Variants in MNDA observed in about 807,000 individuals in gnomAD.
MNDA encodes the protein epididymis secretory sperm binding protein.
Under a neutral mutation model 37.8 loss-of-function variants are expected in MNDA, and 43 were observed. The observed-to-expected ratio is 1.14, with a 90% CI of 0.89 to 1.47. The LOEUF (loss-of-function observed/expected upper bound fraction) is 1.47, where lower values mean the gene tolerates loss of function less well. MNDA is among the 40% of genes most tolerant of loss of function. The probability of loss-of-function intolerance (pLI) is 0.00; values close to 1 mark genes in which losing one functional copy is unlikely to be tolerated. For synonymous variants in MNDA, 181 were observed against 169.0 expected (o/e 1.07, Z -0.55); for missense variants, 536 against 476.0 (o/e 1.13, Z -1.17).
At chr1:158,839,570 C>T (rs1344561198) in intron 1 of MNDA, among the ~76,000 whole-genome samples, 1 of 152,154 alleles carries the variant, frequency 6.6e-6, no homozygotes, top group African/African-American at 2.4e-5. Flanking sequence ...GAAGCAGTTA[C>T]TAGTCCCTCA....
chr1:158,831,482 G>A lies in MNDA; in HGVS notation c.-96G>A, dbSNP rs1290362386. 3 of 152,048 alleles carry A rather than the reference G, an allele frequency of 2.0e-5. No individual in the cohort carries two copies. The highest frequency in any genetic ancestry group is 4.1e-4 in the South Asian group (2 of 4,824). 9.4% of individuals were successfully genotyped at this position (152,048 alleles called of 1,614,324 possible). A position where few individuals can be genotyped will look rare whatever the true frequency, so the allele number is the denominator to read the frequency against. ...CAGTTTAATCTCTCCAAAGCTTTACGGACAGTGATTCTGTCCTAAACAAGA... is the reference window on the plus strand; with the variant it reads ...CAGTTTAATCTCTCCAAAGCTTTACAGACAGTGATTCTGTCCTAAACAAGA... On this transcript the variant is annotated 5_prime_UTR_variant, in exon 1 of 7. Transcript: ENST00000368141.
chr1:158,845,957 A>C lies in MNDA; in HGVS notation c.941A>C (p.Lys314Thr), dbSNP rs1558058262. ...ACTCCCAAGATCAGTCAACTTTACAAGCAAGCATCTGGAACAATGGTGTAT... is the reference window on the plus strand; with the variant it reads ...ACTCCCAAGATCAGTCAACTTTACACGCAAGCATCTGGAACAATGGTGTAT... ...NKTPKISQLY[K>T]QASGTMVYGL... The change falls in exon 5 of 7, where the codon AAG becomes ACG. Residue 314 changes from lysine (K) to threonine (T), a missense_variant. Coordinates refer to ENST00000368141, the MANE Select transcript of MNDA (RefSeq NM_002432.3). 6.2e-7 allele frequency: 1 copy of C among 1,614,152 alleles called. No homozygotes were observed. Among genetic ancestry groups the C allele is most frequent in the African/African-American group, 1.3e-5 (1 of 75,066 alleles).
Position 158,846,008 on chromosome 1 carries a change from A to G in MNDA, c.987+5A>G. 1 of 1,578,980 alleles carries G rather than the reference A, an allele frequency of 6.3e-7. No homozygotes were observed. The highest frequency in any genetic ancestry group is 8.6e-7 in the Non-Finnish European group (1 of 1,164,766). ...GGGTTGTTTATGTTACAAAAGGTAAACCCTTAATTTTGTTTTAATTTTCTC... is the reference window on the plus strand; with the variant it reads ...GGGTTGTTTATGTTACAAAAGGTAAGCCCTTAATTTTGTTTTAATTTTCTC... On this transcript the variant is annotated splice_donor_5th_base_variant and intron_variant, in intron 5 of 6. Transcript: ENST00000368141.
intron 1 of MNDA, among the ~76,000 whole-genome samples, chr1:158,835,776 T>A (rs1558054375): frequency 6.6e-6 from 1 of 152,060 alleles, no homozygotes; most frequent in Admixed American, 6.5e-5. Flanking sequence ...TATGTAGACT[T>A]TACTATGTTG....
intron 1 of MNDA, among the ~76,000 whole-genome samples, chr1:158,838,497 G>A (rs527418246): frequency 5.0e-4 from 76 of 151,946 alleles, no homozygotes; most frequent in African/African-American, 1.5e-3. Context: ...TTTTTCTTGC[G>A]CTTTTTAAAT....
In MNDA at chr1:158,842,366, T is replaced by C. The variant is rs555022535; in HGVS notation, c.213T>C (p.Asp71=). The change falls in exon 2 of 7, where the codon GAT becomes GAC. Residue 71 remains aspartate, a synonymous_variant. Transcript: ENST00000368141. ...CLDKLIELAK[D]MPSLKNLVNN... is the part of the protein sequence containing the mutation. ...ACAAACTAATAGAACTTGCCAAAGATATGCCATCACTTAAAAACCTTGTTA... is the reference window on the plus strand; with the variant it reads ...ACAAACTAATAGAACTTGCCAAAGACATGCCATCACTTAAAAACCTTGTTA... The C allele has an allele frequency of 1.8e-5, 29 of 1,613,752 alleles. No homozygotes were observed. In the South Asian group the frequency reaches 3.1e-4, roughly 17 times the overall value.
chr1:158,849,271 G>C lies in MNDA; in HGVS notation c.*34G>C. On this transcript the variant is annotated 3_prime_UTR_variant, in exon 7 of 7. Transcript: ENST00000368141. ...AGCTGAAATGCAACAAACAACTTCC[G>C]CTTAAAACAATTAAGTTGTTAATAA... The C allele has an allele frequency of 6.3e-7, 1 of 1,580,058 alleles. No individual in the cohort carries two copies. Among genetic ancestry groups the C allele is most frequent in the Non-Finnish European group, 8.7e-7 (1 of 1,154,596 alleles).
intron 6 of MNDA, among the ~76,000 whole-genome samples, chr1:158,848,165 A>G (rs1223947653): frequency 6.6e-6 from 1 of 152,206 alleles, no homozygotes; most frequent in Non-Finnish European, 1.5e-5. Context: ...GGCAGGGAAC[A>G]TAGGGCTCAA....
At position 158,831,444 on chromosome 1, in the gene MNDA, T is replaced by C. The variant is rs1167907669; in HGVS notation, c.-134T>C. 6.6e-6 allele frequency: 1 copy of C among 152,228 alleles called. No individual in the cohort carries two copies. Among genetic ancestry groups the C allele is most frequent in the Admixed American group, 6.5e-5 (1 of 15,286 alleles). 9.4% of individuals were successfully genotyped at this position (152,228 alleles called of 1,614,324 possible). On this transcript the variant is annotated 5_prime_UTR_variant, in exon 1 of 7. Transcript: ENST00000368141. ...TTTCATTTCTCAGCCCTTTACAAGA[T>C]TAAAATAGTCTGCAGTTTAATCTCT...
chr1:158,838,869 C>A lies in MNDA; in HGVS notation c.-20-3265C>A, dbSNP rs187397112. Among the ~76,000 whole-genome samples the A allele has an allele frequency of 6.1e-3, 921 of 152,212 alleles. 3 individuals carry two copies. Among genetic ancestry groups the A allele is most frequent in the Middle Eastern group, 0.041 (12 of 294 alleles). On this transcript the variant is annotated intron_variant, in intron 1 of 6. Coordinates refer to ENST00000368141, the MANE Select transcript of MNDA (RefSeq NM_002432.3). ...TATTGGTGTGGGCTGAGGAACCCCT[C>A]TAGTGGATTTTACAATGCAGTCAAT...
rs115388526 is a variant in MNDA, at chr1:158,847,807, G to A, written c.1067G>A (p.Trp356Ter). 268 of 1,614,040 alleles carry A rather than the reference G, an allele frequency of 1.7e-4. 1 individual carries two copies. The African/African-American group carries it at 3.2e-3, about 19-fold the overall frequency. Residue 356 changes from tryptophan (W) to a stop codon, truncating the protein, a stop_gained, in exon 6 of 7, where the codon TGG (tryptophan) becomes TAG (stop). Transcript: ENST00000368141. LOFTEE classifies it high-confidence loss of function. ...GSMDVVGSGK[W>*]HNIKCEKGDK... ...ATGGATGTAGTGGGGAGTGGAAAAT[G>A]GCACAATATCAAGTGTGAGAAAGGA...
rs1011598656 is a variant in MNDA, at chr1:158,848,023, G to A, written c.1176+107G>A. On this transcript the variant is annotated intron_variant, in intron 6 of 6. Transcript: ENST00000368141. ...GTATTACTCAGAGAGTCCAGCGAGT[G>A]GAAGGAGAACCTAAACAATGCCCTT... 2.9e-6 allele frequency: 3 copies of A among 1,022,866 alleles called. No individual in the cohort carries two copies. In the Admixed American group the frequency reaches 7.1e-5, roughly 24 times the overall value. 63.4% of individuals were successfully genotyped at this position (1,022,866 alleles called of 1,614,324 possible). A position where few individuals can be genotyped will look rare whatever the true frequency, so the allele number is the denominator to read the frequency against.
chr1:158,847,683 TACTA>T (rs769136473), intron 5 of MNDA, 41 bp from the exon 6 acceptor site: 1 of 1,552,978 alleles, frequency 6.4e-7, no homozygotes, highest in Admixed American at 1.8e-5. Context: ...ATCTATATGA[TACTA>T]ACAATCCTCT....
chr1:158,833,172 A>G (rs1038117574), intron 1 of MNDA, among the ~76,000 whole-genome samples: 1 of 152,120 alleles, frequency 6.6e-6, no homozygotes, highest in African/African-American at 2.4e-5. Context: ...TAATTAAAGT[A>G]TTTGCTTGAT....
intron 1 of MNDA, among the ~76,000 whole-genome samples, chr1:158,840,195 T>C (rs1469329697): frequency 1.3e-5 from 2 of 152,166 alleles, no homozygotes; most frequent in Non-Finnish European, 2.9e-5. Flanking sequence ...ACTATTCACA[T>C]TAAAGTGAGA....
chr1:158,842,709 A>G (rs1659054955), intron 2 of MNDA: 1 of 245,422 alleles, frequency 4.1e-6, no homozygotes, highest in Admixed American at 5.1e-5. Context: ...AAAATGAAAA[A>G]AAAAGCTACT....
chr1:158,840,552 C>A (rs1659011596), intron 1 of MNDA, among the ~76,000 whole-genome samples: 1 of 152,154 alleles, frequency 6.6e-6, no homozygotes, highest in African/African-American at 2.4e-5. Flanking sequence ...CTCTAATTTG[C>A]AAGATGATTT....
Position 158,849,469 on chromosome 1 carries a change from C to T in MNDA, c.*232C>T, listed in dbSNP as rs1232831618. Reference sequence around the variant, plus strand: ...TTACATTTTGCTTTTATGACATTCACGAGGCAAAAAATAAAATATCTTTTT... The same window carrying T: ...TTACATTTTGCTTTTATGACATTCATGAGGCAAAAAATAAAATATCTTTTT... On this transcript the variant is annotated 3_prime_UTR_variant, in exon 7 of 7. Transcript: ENST00000368141. The T allele has an allele frequency of 1.1e-5, 5 of 435,124 alleles. No homozygotes were observed. The highest frequency in any genetic ancestry group is 2.1e-5 in the African/African-American group (1 of 48,058). The allele number at this position is 435,124 out of a possible 1,614,324, so 27.0% of individuals were successfully genotyped here. A position where few individuals can be genotyped will look rare whatever the true frequency, so the allele number is the denominator to read the frequency against.
At chr1:158,847,051 C>A (rs1314994430) in intron 5 of MNDA, among the ~76,000 whole-genome samples, 1 of 152,126 alleles carries the variant, frequency 6.6e-6, no homozygotes, top group Non-Finnish European at 1.5e-5. Flanking sequence ...TGAAGTAACT[C>A]AGGAGTGGAA....
Sources: allele counts gnomAD v4.1 joint callset (sites outside exome capture counted in the v4.1 genomes callset), GRCh38; gene constraint gnomAD v4.1.1; transcripts MANE v1.5; gene names NCBI Gene and HGNC (gene_info 2026-07-23, HGNC 2026-07-21).